KHDRBS2: variants seen among roughly 807,000 people sequenced by gnomAD.
The protein encoded by KHDRBS2 is KH domain-containing, RNA-binding, signal transduction-associated protein 2.
KHDRBS2 carries 26 observed loss-of-function variants against 44.3 expected under a neutral mutation model. That is an observed-to-expected ratio of 0.59 (90% CI 0.43 to 0.81). The LOEUF (loss-of-function observed/expected upper bound fraction) is 0.81, where lower values mean the gene tolerates loss of function less well. Ranked by LOEUF, KHDRBS2 falls within the 40% of genes least tolerant of loss-of-function variation. The probability of loss-of-function intolerance (pLI) is 0.00; values close to 1 mark genes in which losing one functional copy is unlikely to be tolerated. For synonymous variants in KHDRBS2, 194 were observed against 151.1 expected (o/e 1.28, Z -2.08); for missense variants, 476 against 433.1 (o/e 1.10, Z -0.88).
the KHDRBS2 span, among the ~76,000 whole-genome samples, chr6:61,553,271 T>C: frequency 6.6e-6 from 1 of 152,168 alleles, no homozygotes; most frequent in Admixed American, 6.5e-5. Flanking sequence ...TTATCCTACA[T>C]TTTTTCATTT....
At chr6:61,791,331 G>T (rs959207310) in intron 6 of KHDRBS2, among the ~76,000 whole-genome samples, 1 of 150,544 alleles carries the variant, frequency 6.6e-6, no homozygotes, top group South Asian at 2.1e-4. Flanking sequence ...TATTTGCTTG[G>T]CTCCTTAAAT....
At chr6:62,194,500 T>A in intron 1 of KHDRBS2, among the ~76,000 whole-genome samples, 1 of 51,124 alleles carries the variant, frequency 2.0e-5, no homozygotes, top group Non-Finnish European at 4.7e-5. Flanking sequence ...TTTTTTTTTT[T>A]TTTTTTTTTT....
intron 1 of KHDRBS2, among the ~76,000 whole-genome samples, chr6:62,212,673 AAGAATACTTG>A (rs2150146116): frequency 6.6e-6 from 1 of 152,288 alleles, no homozygotes; most frequent in Non-Finnish European, 1.5e-5. Context: ...CTACATGTCA[AAGAATACTTG>A]AGATTACCAA....
chr6:61,751,143 A>C (rs1348676224), intron 6 of KHDRBS2, among the ~76,000 whole-genome samples: 1 of 152,184 alleles, frequency 6.6e-6, no homozygotes, highest in Non-Finnish European at 1.5e-5. Flanking sequence ...TGATTTCTAA[A>C]GTAAAATTGT....
chr6:61,573,416 G>T, the KHDRBS2 span, among the ~76,000 whole-genome samples: 1 of 152,052 alleles, frequency 6.6e-6, no homozygotes, highest in East Asian at 1.9e-4. Flanking sequence ...CAGATTCACT[G>T]CAATACCATC....
chr6:61,640,524 A>G, the KHDRBS2 span, among the ~76,000 whole-genome samples: 3 of 152,070 alleles, frequency 2.0e-5, no homozygotes, highest in Non-Finnish European at 4.4e-5. Context: ...TTTGTATACC[A>G]CACAAGGCTA....
At chr6:62,223,856 TC>T (rs1018452669) in intron 1 of KHDRBS2, among the ~76,000 whole-genome samples, 1 of 152,130 alleles carries the variant, frequency 6.6e-6, no homozygotes. Flanking sequence ...GACCTTATTG[TC>T]CATATCACTA....
chr6:61,864,571 C>A (rs762140761), intron 6 of KHDRBS2, among the ~76,000 whole-genome samples: 6 of 152,088 alleles, frequency 3.9e-5, no homozygotes, highest in Non-Finnish European at 8.8e-5. Context: ...TTCTTTTCTT[C>A]AAGAATTTTG....
chr6:62,038,236 T>C (rs1785714764), intron 3 of KHDRBS2, among the ~76,000 whole-genome samples: 1 of 152,090 alleles, frequency 6.6e-6, no homozygotes, highest in African/African-American at 2.4e-5. Context: ...TGTTTTTGAC[T>C]TCACTCTTGG....
chr6:62,169,128 C>CAT (rs1210209020), intron 2 of KHDRBS2, among the ~76,000 whole-genome samples: 1 of 116,642 alleles, frequency 8.6e-6, no homozygotes, highest in South Asian at 2.6e-4. Flanking sequence ...TGTATATATA[C>CAT]ATATACACAC....
At chr6:62,179,700 T>A (rs1419934483) in intron 1 of KHDRBS2, among the ~76,000 whole-genome samples, 7 of 151,820 alleles carry the variant, frequency 4.6e-5, no homozygotes, top group Non-Finnish European at 8.8e-5. Flanking sequence ...TCTGAAATTA[T>A]TTGTCAACCA....
In KHDRBS2 at chr6:61,834,880, A is replaced by G. The variant is rs139709877; in HGVS notation, c.810+59755T>C. Among the ~76,000 whole-genome samples the G allele has an allele frequency of 2.0e-5, 3 of 152,212 alleles. No homozygotes were observed. The East Asian group carries it at 5.8e-4, about 29-fold the overall frequency. ...GATTTATTTTAAAATTTGGTGTCGTAAATTTCTTGAATACAAATATATGAA... is the reference window on the plus strand; with the variant it reads ...GATTTATTTTAAAATTTGGTGTCGTGAATTTCTTGAATACAAATATATGAA... On this transcript the variant is annotated intron_variant, in intron 6 of 8. Transcript: ENST00000281156.
intron 6 of KHDRBS2, among the ~76,000 whole-genome samples, chr6:61,753,869 T>C (rs746427739): frequency 6.6e-6 from 1 of 152,100 alleles, no homozygotes; most frequent in South Asian, 2.1e-4. Context: ...ACTATCCAGG[T>C]AGGCTTTAAC....
chr6:61,888,489 C>T (rs188552342), intron 6 of KHDRBS2, among the ~76,000 whole-genome samples: 2 of 150,552 alleles, frequency 1.3e-5, no homozygotes, highest in East Asian at 1.9e-4. Context: ...GTAGATAAAA[C>T]GGAAAGGAAA....
rs901390936 is a variant in KHDRBS2, at chr6:62,276,446, G to GA, written c.91+9411dup. 7.9e-5 allele frequency among the ~76,000 whole-genome samples: 12 copies of GA among 152,170 alleles called. No homozygotes were observed. The Middle Eastern group carries it at 0.01, about 129-fold the overall frequency. ...TAAGCAGTTCTCTAAAAAATGTGGGGAAAAAAATGCCTCAGCAAACCACAC... is the reference window on the plus strand; with the variant it reads ...TAAGCAGTTCTCTAAAAAATGTGGGGAAAAAAAATGCCTCAGCAAACCACAC... On this transcript the variant is annotated intron_variant, in intron 1 of 8. Transcript: ENST00000281156.
chr6:61,589,068 G>C, the KHDRBS2 span, among the ~76,000 whole-genome samples: 2 of 151,944 alleles, frequency 1.3e-5, no homozygotes, highest in Non-Finnish European at 2.9e-5. Flanking sequence ...GGCCTGTCAG[G>C]GGGTGGGGGT....
chr6:61,804,765 T>G (rs977974119), intron 6 of KHDRBS2, among the ~76,000 whole-genome samples: 7 of 152,158 alleles, frequency 4.6e-5, no homozygotes, highest in Non-Finnish European at 5.9e-5. Context: ...TAGCCATGGC[T>G]GGGATGCAGG....
intron 2 of KHDRBS2, among the ~76,000 whole-genome samples, chr6:62,115,271 C>A (rs1162633292): frequency 6.6e-6 from 1 of 151,984 alleles, no homozygotes; most frequent in African/African-American, 2.4e-5. Context: ...ACATAAGAGC[C>A]AAAAAATAAC....
chr6:62,152,879 T>G (rs1325613807), intron 2 of KHDRBS2, among the ~76,000 whole-genome samples: 1 of 152,182 alleles, frequency 6.6e-6, no homozygotes, highest in Non-Finnish European at 1.5e-5. Context: ...AATAAACAAA[T>G]TAATACCTTG....
Sources: allele counts gnomAD v4.1 joint callset (sites outside exome capture counted in the v4.1 genomes callset), GRCh38; gene constraint gnomAD v4.1.1; transcripts MANE v1.5; gene names NCBI Gene and HGNC (gene_info 2026-07-23, HGNC 2026-07-21).